Variants in SDK2 observed in about 807,000 individuals in gnomAD.
SDK2 encodes protein sidekick-2.
Under a neutral mutation model 253.9 loss-of-function variants are expected in SDK2, and 105 were observed. That is an observed-to-expected ratio of 0.41 (90% confidence interval 0.35 to 0.49). SDK2 has a LOEUF of 0.49. SDK2 is among the 20% of genes least tolerant of loss of function. The pLI is 0.06. For synonymous variants in SDK2, 1,249 were observed against 1,234.9 expected (o/e 1.01, Z -0.24); for missense variants, 2,608 against 3,003.0 (o/e 0.87, Z 3.07).
At position 73,541,055 on chromosome 17, in the gene SDK2, C is replaced by G. The variant is rs1872088; in HGVS notation, c.65-33458G>C. ...AAGCTGCCAATGGTAAGCTGCTAGG[C>G]CCCCTGAGAGTAGGTGTCTGCCAGT... On this transcript the variant is annotated intron_variant, in intron 1 of 44. Coordinates refer to ENST00000392650, the MANE Select transcript of SDK2 (RefSeq NM_001144952.2). The surrounding 1 kb of genome is among the most constrained non-coding windows in gnomAD (Gnocchi z 4.3). 0.53 allele frequency among the ~76,000 whole-genome samples: 80,253 copies of G among 152,080 alleles called. 21,625 individuals carry two copies. The highest frequency in any genetic ancestry group is 0.64 in the South Asian group (3,084 of 4,820).
chr17:73,640,441 G>A (rs578104329), intron 1 of SDK2, among the ~76,000 whole-genome samples: 2 of 151,992 alleles, frequency 1.3e-5, no homozygotes, highest in African/African-American at 4.8e-5. Flanking sequence ...GGACTCCCCC[G>A]CGGAAGCCAA....
chr17:73,617,089 C>G (rs929701919), intron 1 of SDK2, among the ~76,000 whole-genome samples: 1 of 151,940 alleles, frequency 6.6e-6, no homozygotes, highest in Non-Finnish European at 1.5e-5. Context: ...GAGCTGACCT[C>G]GCACTGAGCA....
chr17:73,582,277 TGGG>T, intron 1 of SDK2, among the ~76,000 whole-genome samples: 1 of 148,112 alleles, frequency 6.8e-6, no homozygotes, highest in African/African-American at 2.5e-5. Flanking sequence ...CATCAGCATT[TGGG>T]GGCGCACACC....
chr17:73,452,650 G>C (rs2145654736), intron 4 of SDK2, among the ~76,000 whole-genome samples: 1 of 152,234 alleles, frequency 6.6e-6, no homozygotes, highest in South Asian at 2.1e-4. Context: ...CACAACAAAT[G>C]TAGCAGGAAA....
intron 1 of SDK2, among the ~76,000 whole-genome samples, chr17:73,598,757 G>T (rs947473128): frequency 1.3e-5 from 2 of 152,176 alleles, no homozygotes; most frequent in African/African-American, 4.8e-5. Context: ...GTCCCCTCCA[G>T]CAGGGGAAGG....
chr17:73,546,815 T>C (rs1599667697), intron 1 of SDK2, among the ~76,000 whole-genome samples: 1 of 152,190 alleles, frequency 6.6e-6, no homozygotes, highest in East Asian at 1.9e-4. Context: ...GCAGACTGAT[T>C]TTTCAAATGC....
chr17:73,566,824 C>T (rs901832857), intron 1 of SDK2, among the ~76,000 whole-genome samples: 28 of 149,512 alleles, frequency 1.9e-4, no homozygotes, highest in Admixed American at 5.4e-4. Context: ...TAACTTCCTA[C>T]GACTAGATAT....
chr17:73,505,336 T>C (rs1389692686), intron 2 of SDK2, among the ~76,000 whole-genome samples: 1 of 152,218 alleles, frequency 6.6e-6, no homozygotes, highest in Non-Finnish European at 1.5e-5. Flanking sequence ...AGTGTGTTTA[T>C]CTGTAAAATG....
chr17:73,388,772 CTCCTTCCT>C lies in SDK2; in HGVS notation c.4193-743_4193-736del, dbSNP rs376691038. ...TCCCTCCTTCCTTCCTTCCCTCCCT[CTCCTTCCT>C]TCCTTCCTTCCCTCCCTCCTTCCTT... On this transcript the variant is annotated intron_variant, in intron 29 of 44. Coordinates refer to ENST00000392650, the MANE Select transcript of SDK2 (RefSeq NM_001144952.2). Among the ~76,000 whole-genome samples the C allele has an allele frequency of 7.8e-3, 384 of 49,388 alleles. 8 individuals are homozygous for C. The highest frequency in any genetic ancestry group is 0.021 in the African/African-American group (364 of 17,580). The allele number at this position is 49,388 out of a possible 152,430, so 32.4% of individuals were successfully genotyped here.
At chr17:73,604,631 C>A (rs2045883743) in intron 1 of SDK2, among the ~76,000 whole-genome samples, 1 of 152,184 alleles carries the variant, frequency 6.6e-6, no homozygotes, top group Admixed American at 6.5e-5. Context: ...GGTGACCCAG[C>A]ATGAGGAGTG....
At chr17:73,638,806 C>CTTTTTTTT (rs1223522657) in intron 1 of SDK2, among the ~76,000 whole-genome samples, 3 of 138,992 alleles carry the variant, frequency 2.2e-5, no homozygotes, top group Non-Finnish European at 1.6e-5. Flanking sequence ...AGATAACAGT[C>CTTTTTTTT]TTTTTTTTTT....
rs1042411231 is a variant in SDK2, at chr17:73,550,681, A to G, written c.65-43084T>C. Among the ~76,000 whole-genome samples, 3 of 152,228 alleles carry G rather than the reference A, an allele frequency of 2.0e-5. No individual in the cohort carries two copies. The South Asian group carries it at 6.2e-4, about 32-fold the overall frequency. ...GTCAGAGTCCACTCAAGAAAGCAGA[A>G]ACTACTGGCTATACTCGCACAGAAG... is the stretch of plus-strand genomic sequence containing the variant. On this transcript the variant is annotated intron_variant, in intron 1 of 44. Coordinates refer to ENST00000392650, the MANE Select transcript of SDK2 (RefSeq NM_001144952.2).
intron 18 of SDK2, among the ~76,000 whole-genome samples, chr17:73,411,999 C>CGT (rs1599539783): frequency 9.3e-4 from 36 of 38,896 alleles, no homozygotes; most frequent in African/African-American, 2.5e-3. Context: ...TATATATACA[C>CGT]ACATATATAT....
intron 1 of SDK2, among the ~76,000 whole-genome samples, chr17:73,607,804 T>C (rs2045926350): frequency 6.6e-6 from 1 of 151,116 alleles, no homozygotes; most frequent in Non-Finnish European, 1.5e-5. Flanking sequence ...GGTTTTACGC[T>C]GCAGGCTTTT....
intron 1 of SDK2, among the ~76,000 whole-genome samples, chr17:73,598,276 C>T (rs1012927731): frequency 6.6e-5 from 10 of 152,172 alleles, no homozygotes; most frequent in Non-Finnish European, 1.3e-4. Context: ...CGGTGTGGGG[C>T]GTGAGTTCCT....
chr17:73,509,570 G>A (rs546788336), intron 1 of SDK2, among the ~76,000 whole-genome samples: 2 of 150,382 alleles, frequency 1.3e-5, no homozygotes, highest in Non-Finnish European at 3.0e-5. Context: ...TGGGAGGATC[G>A]CTTGAGGCCA....
intron 1 of SDK2, among the ~76,000 whole-genome samples, chr17:73,547,929 A>G (rs558234160): frequency 2.5e-4 from 38 of 152,326 alleles, no homozygotes; most frequent in African/African-American, 8.2e-4. Context: ...GAAACTTACA[A>G]TCATGGCAGA....
chr17:73,572,686 T>C (rs933606305), intron 1 of SDK2, among the ~76,000 whole-genome samples: 1 of 152,192 alleles, frequency 6.6e-6, no homozygotes, highest in African/African-American at 2.4e-5. Context: ...TCCATAAAGA[T>C]TGACTGACTG....
chr17:73,395,291 C>T lies in SDK2; in HGVS notation c.3456G>A (p.Val1152=). Residue 1152 remains valine (V), a synonymous_variant, in exon 25 of 45, where the codon GTG becomes GTA. Transcript: ENST00000392650. The surrounding 1 kb of genome is among the most constrained non-coding windows in gnomAD (Gnocchi z 4.3). ...DGHGKTLSHV[V]QDRVERDYTI... is the part of the protein sequence containing the mutation. ...TGTAGTCCCGCTCCACACGGTCCTG[C>T]ACCACGTGGCTCAGCGTCTTGCCAT... The T allele has an allele frequency of 6.2e-7, 1 of 1,613,994 alleles. No homozygotes were observed. Among genetic ancestry groups the T allele is most frequent in the Non-Finnish European group, 8.5e-7 (1 of 1,179,888 alleles).
Sources: gnomAD v4.1 joint callset for allele counts (sites outside exome capture counted in the v4.1 genomes callset) on GRCh38, gnomAD v4.1.1 for gene constraint, Gnocchi (gnomAD v3.1) non-coding constraint, MANE v1.5 for transcripts, NCBI Gene and HGNC (gene_info 2026-07-23, HGNC 2026-07-21) for gene names.